Variants in PDE11A observed in about 807,000 individuals in gnomAD.
The protein encoded by PDE11A is phosphodiesterase 11A.
A neutral mutation model predicts 100.5 loss-of-function variants in PDE11A; 100 were observed. The observed-to-expected ratio is 1.00, with a 90% CI of 0.85 to 1.18. The LOEUF is 1.18. Ranked by LOEUF, PDE11A falls within the 50% of genes most tolerant of loss-of-function variation. The pLI, the probability that PDE11A is intolerant of heterozygous loss-of-function variation, is 0.00. For synonymous variants in PDE11A, 381 were observed against 420.8 expected (o/e 0.91, Z 1.16); for missense variants, 1,141 against 1,152.6 (o/e 0.99, Z 0.15).
chr2:177,889,299 C>T (rs1283509621), intron 4 of PDE11A, among the ~76,000 whole-genome samples: 1 of 152,120 alleles, frequency 6.6e-6, no homozygotes, highest in African/African-American at 2.4e-5. Flanking sequence ...GCAATAGATG[C>T]TTTGATTTTT....
intron 2 of PDE11A, among the ~76,000 whole-genome samples, chr2:178,003,932 A>C (rs555876667): frequency 6.6e-6 from 1 of 152,154 alleles, no homozygotes; most frequent in Non-Finnish European, 1.5e-5. Flanking sequence ...TTTTGTAAGA[A>C]TGTGATTTTT....
At chr2:177,781,328 G>A (rs367614312) in intron 9 of PDE11A, among the ~76,000 whole-genome samples, 11 of 152,248 alleles carry the variant, frequency 7.2e-5, no homozygotes, top group African/African-American at 2.6e-4. Flanking sequence ...AAAAATCACT[G>A]ATCACAGATA....
intron 2 of PDE11A, among the ~76,000 whole-genome samples, chr2:177,956,383 T>C (rs2105786158): frequency 6.6e-6 from 1 of 152,222 alleles, no homozygotes; most frequent in Admixed American, 6.5e-5. Flanking sequence ...CCAGTTAGAA[T>C]GGCAATCATT....
At chr2:178,009,661 G>A (rs2086253325) in intron 2 of PDE11A, among the ~76,000 whole-genome samples, 1 of 152,086 alleles carries the variant, frequency 6.6e-6, no homozygotes, top group South Asian at 2.1e-4. Flanking sequence ...CTACTACAGG[G>A]TATATGTATT....
chr2:177,771,908 G>A (rs996429890), intron 9 of PDE11A, among the ~76,000 whole-genome samples: 6 of 152,030 alleles, frequency 3.9e-5, no homozygotes, highest in Non-Finnish European at 7.4e-5. Flanking sequence ...AGGCTGAGGC[G>A]GGAGAATCGC....
intron 2 of PDE11A, among the ~76,000 whole-genome samples, chr2:177,912,540 C>T (rs1306673681): frequency 1.3e-5 from 2 of 152,180 alleles, no homozygotes; most frequent in East Asian, 3.8e-4. Context: ...ATGTCCACCC[C>T]CACAACTTTA....
At chr2:178,095,622 C>G (rs1215625758) in intron 2 of PDE11A, among the ~76,000 whole-genome samples, 3 of 152,232 alleles carry the variant, frequency 2.0e-5, no homozygotes, top group African/African-American at 7.2e-5. Flanking sequence ...AGTAGGGACT[C>G]TGTGATGGGG....
In PDE11A at chr2:178,014,453, C is replaced by T. The variant is rs779465413; in HGVS notation, c.920G>A (p.Arg307Gln). Residue 307 changes from arginine (R) to glutamine (Q), a missense_variant, in exon 2 of 20, where the codon CGA (arginine) becomes CAA (glutamine). Arg to Gln is a conservative substitution (Grantham distance 43). Coordinates refer to ENST00000286063, the MANE Select transcript of PDE11A (RefSeq NM_016953.4). ...VNIPDAYQDR[R>Q]FNDEIDKLTG... Reference sequence around the variant, plus strand: ...TAGCTTGTCGATTTCATCATTGAATCGTCGATCCTAAAAATAAGACAAAGA... The same window carrying T: ...TAGCTTGTCGATTTCATCATTGAATTGTCGATCCTAAAAATAAGACAAAGA... 3.7e-6 allele frequency: 6 copies of T among 1,612,330 alleles called. No homozygotes were observed. The highest frequency in any genetic ancestry group is 2.7e-5 in the African/African-American group (2 of 74,888).
In PDE11A at chr2:177,710,692, A is replaced by G. The variant is rs151100697; in HGVS notation, c.2153+1077T>C. The stretch of plus-strand genomic sequence containing the variant: ...GAAGAGAGCACTGAAGTGATGGGCT[A>G]TAGGATACAGATTGGACAGAGGGCA... On this transcript the variant is annotated intron_variant, in intron 13 of 19. Coordinates refer to ENST00000286063, the MANE Select transcript of PDE11A (RefSeq NM_016953.4). 3.4e-3 allele frequency among the ~76,000 whole-genome samples: 516 copies of G among 152,314 alleles called. 5 individuals are homozygous for G. The highest frequency in any genetic ancestry group is 5.3e-3 in the Non-Finnish European group (363 of 68,026).
intron 5 of PDE11A, among the ~76,000 whole-genome samples, chr2:177,858,651 G>C (rs962075459): frequency 4.6e-5 from 7 of 152,288 alleles, no homozygotes; most frequent in East Asian, 1.9e-4. Flanking sequence ...GTTAGTGGGA[G>C]TGTAAACTAG....
intron 10 of PDE11A, among the ~76,000 whole-genome samples, chr2:177,744,115 G>T (rs2081913713): frequency 6.6e-6 from 1 of 152,178 alleles, no homozygotes; most frequent in Non-Finnish European, 1.5e-5. Context: ...TCCAGTTCAG[G>T]AAACAGAGGG....
intron 5 of PDE11A, among the ~76,000 whole-genome samples, chr2:177,840,613 G>A (rs997709701): frequency 2.6e-5 from 4 of 152,180 alleles, no homozygotes; most frequent in African/African-American, 9.7e-5. Context: ...GATTCCCTAT[G>A]ATTCAGAGAG....
In PDE11A at chr2:177,626,740, G is replaced by A. The variant is rs2079838493; in HGVS notation, c.*2667C>T. The A allele has an allele frequency of 6.6e-6, 1 of 152,194 alleles. No individual in the cohort carries two copies. Among genetic ancestry groups the A allele is most frequent in the East Asian group, 1.9e-4 (1 of 5,184 alleles). The allele number at this position is 152,194 out of a possible 1,614,324, so 9.4% of individuals were successfully genotyped here. A position where few individuals can be genotyped will look rare whatever the true frequency, so the allele number is the denominator to read the frequency against. On this transcript the variant is annotated 3_prime_UTR_variant, in exon 20 of 20. Transcript: ENST00000286063. ...AGAGACAGCTGTAAAGGGTAGCTAGGAACATTATTTTTTAGGGCTCTCACT... is the reference window on the plus strand; with the variant it reads ...AGAGACAGCTGTAAAGGGTAGCTAGAAACATTATTTTTTAGGGCTCTCACT...
chr2:177,753,093 A>G (rs1170603712), intron 10 of PDE11A, among the ~76,000 whole-genome samples: 1 of 152,202 alleles, frequency 6.6e-6, no homozygotes, highest in African/African-American at 2.4e-5. Flanking sequence ...TTTGCCCTGA[A>G]TTAGGCTCAA....
At chr2:177,797,176 C>T (rs909696768) in intron 9 of PDE11A, 10 of 152,224 alleles carry the variant, frequency 6.6e-5, no homozygotes, top group African/African-American at 2.4e-4. Context: ...GCTCTCCTCC[C>T]ACTTCCATCA....
intron 1 of PDE11A, among the ~76,000 whole-genome samples, chr2:178,020,630 A>T (rs1466745628): frequency 6.6e-6 from 1 of 152,020 alleles, no homozygotes; most frequent in Non-Finnish European, 1.5e-5. Flanking sequence ...CATCTCTACT[A>T]AAAATACAAA....
At chr2:177,839,716 A>G (rs1022863146) in intron 6 of PDE11A, among the ~76,000 whole-genome samples, 1 of 152,232 alleles carries the variant, frequency 6.6e-6, no homozygotes, top group African/African-American at 2.4e-5. Flanking sequence ...GAATGTGTAT[A>G]TTCAATATGT....
intron 1 of PDE11A, among the ~76,000 whole-genome samples, chr2:178,053,084 T>C (rs2086849595): frequency 6.6e-6 from 1 of 152,000 alleles, no homozygotes; most frequent in Non-Finnish European, 1.5e-5. Flanking sequence ...TAGACCAATA[T>C]CCCTGGTGAA....
intron 2 of PDE11A, among the ~76,000 whole-genome samples, chr2:177,942,059 TA>T (rs1450272992): frequency 1.3e-5 from 2 of 152,216 alleles, no homozygotes; most frequent in Non-Finnish European, 2.9e-5. Flanking sequence ...CCATATTAAT[TA>T]TTTTCTACAA....
Sources: allele counts gnomAD v4.1 joint callset (sites outside exome capture counted in the v4.1 genomes callset), GRCh38; gene constraint gnomAD v4.1.1; transcripts MANE v1.5; gene names NCBI Gene and HGNC (gene_info 2026-07-23, HGNC 2026-07-21).